ASNS: variants seen among roughly 807,000 people sequenced by gnomAD.
ASNS encodes the protein asparagine synthetase [glutamine-hydrolyzing].
Under a neutral mutation model 62.6 loss-of-function variants are expected in ASNS, and 37 were observed. The observed-to-expected ratio is 0.59, with a 90% CI of 0.45 to 0.78. The LOEUF is 0.78. Among genes scored for constraint, ASNS ranks in the 30% least tolerant of loss-of-function variants. The pLI, the probability that ASNS is intolerant of heterozygous loss-of-function variation, is 0.00. For missense variants in ASNS, 520 were observed against 682.4 expected (o/e 0.76, Z 2.65); for synonymous variants, 207 against 237.9 (o/e 0.87, Z 1.19).
At chr7:97,912,565 CTTTTTTTTTTTTTT>C in the ASNS span, among the ~76,000 whole-genome samples, 1 of 41,496 alleles carries the variant, frequency 2.4e-5, no homozygotes, top group Non-Finnish European at 4.6e-5. Flanking sequence ...GTTAACTTTG[CTTTTTTTTTTTTTT>C]TTTTTTTTTT....
intron 10 of ASNS, among the ~76,000 whole-genome samples, chr7:97,853,921 G>C (rs1791306614): frequency 6.6e-6 from 1 of 152,150 alleles, no homozygotes; most frequent in African/African-American, 2.4e-5. Context: ...AGAGGATAAT[G>C]ACCAGATTCA....
At chr7:97,876,640 A>G (rs1470706975), upstream of ASNS, among the ~76,000 whole-genome samples, 2 of 151,846 alleles carry the variant, frequency 1.3e-5, no homozygotes, top group Non-Finnish European at 2.9e-5. Flanking sequence ...GTTGTCCAGG[A>G]TGCTCTCGAT....
At chr7:97,902,739 AC>A in the ASNS span, among the ~76,000 whole-genome samples, 3 of 152,088 alleles carry the variant, frequency 2.0e-5, no homozygotes, top group African/African-American at 7.2e-5. Context: ...AACAACAACA[AC>A]AACAAAAAAC....
At chr7:97,876,053 C>T (rs1792431481), upstream of ASNS, among the ~76,000 whole-genome samples, 2 of 152,116 alleles carry the variant, frequency 1.3e-5, no homozygotes, top group African/African-American at 4.8e-5. Flanking sequence ...GATGGGGTTT[C>T]ACCATGTTGG....
chr7:97,889,572 C>G, the ASNS span, among the ~76,000 whole-genome samples: 1 of 151,920 alleles, frequency 6.6e-6, no homozygotes. Flanking sequence ...ACAGGCACCA[C>G]TCATGCCAAT....
the ASNS span, among the ~76,000 whole-genome samples, chr7:97,881,749 G>A: frequency 6.6e-5 from 10 of 152,282 alleles, no homozygotes; most frequent in South Asian, 1.9e-3. Context: ...CAATGGATAC[G>A]ATTGGGTGCA....
chr7:97,854,718 G>C, intron 9 of ASNS, 38 bp from the exon 10 acceptor site: 1 of 1,613,048 alleles, frequency 6.2e-7, no homozygotes, highest in African/African-American at 1.3e-5. Context: ...TTTTGCTTTT[G>C]GCACACAAAG....
Position 97,859,410 on chromosome 7 carries a change from C to G in ASNS, c.488-12G>C. 1 of 1,589,532 alleles carries G rather than the reference C, an allele frequency of 6.3e-7. No homozygotes were observed. Among genetic ancestry groups the G allele is most frequent in the East Asian group, 2.2e-5 (1 of 44,504 alleles). On this transcript the variant is annotated splice_polypyrimidine_tract_variant and intron_variant, in intron 4 of 12. Coordinates refer to ENST00000394308, the MANE Select transcript of ASNS (RefSeq NM_001673.5). ...CAATGTAACAAGACCTAGAAATTCA[C>G]AATGATACCTTTATTCAAATTAGGT...
intron 3 of ASNS, among the ~76,000 whole-genome samples, chr7:97,867,156 G>C (rs1278267367): frequency 2.7e-5 from 4 of 149,196 alleles, no homozygotes; most frequent in African/African-American, 7.3e-5. Context: ...TTGGCTGCAG[G>C]CCCTGATACT....
the ASNS span, among the ~76,000 whole-genome samples, chr7:97,896,670 ATG>A: frequency 4.4e-4 from 59 of 133,740 alleles, no homozygotes; most frequent in Admixed American, 1.2e-3. Context: ...ATATATGTAT[ATG>A]TGTGTGTGTA....
At chr7:97,897,553 A>G in the ASNS span, among the ~76,000 whole-genome samples, 1 of 152,250 alleles carries the variant, frequency 6.6e-6, no homozygotes, top group Non-Finnish European at 1.5e-5. Flanking sequence ...CAAAACCACA[A>G]TGAGATATCA....
the ASNS span, among the ~76,000 whole-genome samples, chr7:97,905,877 C>T: frequency 3.4e-3 from 513 of 152,234 alleles, 6 homozygotes; most frequent in African/African-American, 0.012. Context: ...ACAAGAAAAA[C>T]CTTGATTATC....
the ASNS span, among the ~76,000 whole-genome samples, chr7:97,896,833 A>C: frequency 7.0e-6 from 1 of 142,930 alleles, no homozygotes; most frequent in Non-Finnish European, 1.5e-5. Flanking sequence ...AAAACAAAGG[A>C]AACAGACTAA....
At chr7:97,882,204 C>T in the ASNS span, among the ~76,000 whole-genome samples, 1 of 152,084 alleles carries the variant, frequency 6.6e-6, no homozygotes, top group African/African-American at 2.4e-5. Flanking sequence ...CAACCTTTTC[C>T]CAAGTCACAG....
the ASNS span, among the ~76,000 whole-genome samples, chr7:97,882,275 G>A: frequency 6.6e-6 from 1 of 152,278 alleles, no homozygotes; most frequent in Admixed American, 6.5e-5. Flanking sequence ...CAGGCCAGGC[G>A]CAGTGGCTCA....
chr7:97,854,534 T>G (rs1791341023), intron 10 of ASNS, 46 bp downstream of exon 10: 1 of 1,587,650 alleles, frequency 6.3e-7, no homozygotes, highest in African/African-American at 1.4e-5. Flanking sequence ...GTTTTGTTTT[T>G]GGTGTTTTTT....
chr7:97,916,096 A>G, the ASNS span, among the ~76,000 whole-genome samples: 1 of 152,120 alleles, frequency 6.6e-6, no homozygotes, highest in Non-Finnish European at 1.5e-5. Context: ...ATGACACAGA[A>G]TTCCAGCCAG....
At chr7:97,854,355 T>A (rs777923462) in intron 10 of ASNS, among the ~76,000 whole-genome samples, 36 of 152,236 alleles carry the variant, frequency 2.4e-4, no homozygotes, top group Non-Finnish European at 1.8e-4. Flanking sequence ...TCTCTCCATA[T>A]ACCACAACAC....
At position 97,868,976 on chromosome 7, in the gene ASNS, GC is replaced by G; in HGVS notation, c.180del (p.Gln60HisfsTer5). The G allele has an allele frequency of 4.3e-6, 7 of 1,614,174 alleles. No homozygotes were observed. The highest frequency in any genetic ancestry group is 5.9e-6 in the Non-Finnish European group (7 of 1,180,038). On this transcript the variant is annotated frameshift_variant, in exon 3 of 13. Transcript: ENST00000394308. LOFTEE classifies it high-confidence loss of function. ...LAVVDPLFGMQPIRVKKYPYL... is the reference protein window; with the variant it reads ...LAVVDPLFGMXPIRVKKYPYL... ...TACGGATATTTCTTCACTCGAATTG[GC>G]TGCATTCCAAACAGCGGGTCAACTA...
Sources: gnomAD v4.1 joint callset for allele counts (sites outside exome capture counted in the v4.1 genomes callset) on GRCh38, gnomAD v4.1.1 for gene constraint, MANE v1.5 for transcripts, NCBI Gene and HGNC (gene_info 2026-07-23, HGNC 2026-07-21) for gene names.